Variants in SH3TC1 observed in about 807,000 individuals in gnomAD.
SH3TC1 encodes SH3 domain and tetratricopeptide repeats 1.
Under a neutral mutation model 117.3 loss-of-function variants are expected in SH3TC1, and 135 were observed. The observed-to-expected ratio is 1.15, with a 90% CI of 1.00 to 1.33. The LOEUF (loss-of-function observed/expected upper bound fraction) is 1.33, where lower values mean the gene tolerates loss of function less well. Among genes scored for constraint, SH3TC1 ranks in the 40% most tolerant of loss-of-function variants. The pLI, the probability that SH3TC1 is intolerant of heterozygous loss-of-function variation, is 0.00. For missense variants in SH3TC1, 2,092 were observed against 1,794.3 expected (o/e 1.17, Z -3.00); for synonymous variants, 898 against 816.9 (o/e 1.10, Z -1.69).
chr4:8,214,339 A>T, intron 4 of SH3TC1, 136 bp from the exon 5 acceptor site: 1 of 719,352 alleles, frequency 1.4e-6, no homozygotes, highest in Non-Finnish European at 2.3e-6. Flanking sequence ...TTGGGCTGTG[A>T]AGGAATCTGC....
chr4:8,196,410 G>A (rs1316313611), upstream of SH3TC1, among the ~76,000 whole-genome samples: 3 of 152,120 alleles, frequency 2.0e-5, no homozygotes, highest in Non-Finnish European at 4.4e-5. This position sits in a 1 kb window ranked among gnomAD's most constrained non-coding sequence, Gnocchi z 4.6. Context: ...GAGGGGTGGG[G>A]TGGGGTGATG....
intron 12 of SH3TC1, 143 bp downstream of exon 12, chr4:8,228,787 C>T (rs1720844493): frequency 1.4e-6 from 1 of 725,614 alleles, no homozygotes; most frequent in African/African-American, 1.8e-5. Flanking sequence ...TGGCAAGCGC[C>T]CTGGAGACAG....
In SH3TC1 at chr4:8,241,005, C is replaced by T; in HGVS notation, c.*50C>T. ...TTGTGCAAGGGCTGGGGGTCTCCTG[C>T]CTCTCCTGGTGTCGCCGGTGGCTCA... On this transcript the variant is annotated 3_prime_UTR_variant, in exon 18 of 18. Coordinates refer to ENST00000245105, the MANE Select transcript of SH3TC1 (RefSeq NM_018986.5). 6.3e-7 allele frequency: 1 copy of T among 1,586,556 alleles called. No individual in the cohort carries two copies. The highest frequency in any genetic ancestry group is 8.6e-7 in the Non-Finnish European group (1 of 1,167,836).
rs1443465524 is a variant in SH3TC1 at position 8,206,534 on chromosome 4, C to T, written c.172+1168C>T. On this transcript the variant is annotated intron_variant, in intron 2 of 17. Coordinates refer to ENST00000245105, the MANE Select transcript of SH3TC1 (RefSeq NM_018986.5). The surrounding 1 kb of genome is among the most constrained non-coding windows in gnomAD (Gnocchi z 5.5). ...GAGTGGTAGGAGTTGGAAGCCTTTG[C>T]CCTGAGTGGCTGGGTGTTTCCTCCT... is the stretch of plus-strand genomic sequence containing the variant. Among the ~76,000 whole-genome samples, 1 of 152,140 alleles carries T rather than the reference C, an allele frequency of 6.6e-6. No homozygotes were observed. Among genetic ancestry groups the T allele is most frequent in the Admixed American group, 6.5e-5 (1 of 15,288 alleles).
At position 8,240,834 on chromosome 4, in the gene SH3TC1, C is replaced by A. The variant is rs761485645; in HGVS notation, c.3890C>A (p.Ser1297Ter). The A allele has an allele frequency of 3.1e-6, 5 of 1,614,066 alleles. No individual in the cohort carries two copies. Among genetic ancestry groups the A allele is most frequent in the Non-Finnish European group, 4.2e-6 (5 of 1,180,046 alleles). The change falls in exon 18 of 18, where the codon TCG becomes TAG. Residue 1297 changes from serine to a stop codon, truncating the protein, a stop_gained. Coordinates refer to ENST00000245105, the MANE Select transcript of SH3TC1 (RefSeq NM_018986.5). LOFTEE classifies it low-confidence loss of function (END_TRUNC). ...YHNFLLDREK[S>*]LFFYQKARTF... The stretch of plus-strand genomic sequence containing the variant: ...AACTTCCTCCTGGACCGTGAGAAGT[C>A]GCTCTTCTTCTACCAGAAGGCCAGG...
chr4:8,220,468 A>T (rs1719815605), intron 9 of SH3TC1, among the ~76,000 whole-genome samples: 1 of 152,064 alleles, frequency 6.6e-6, no homozygotes, highest in Non-Finnish European at 1.5e-5. Flanking sequence ...CCAGCCAGGG[A>T]ACTCCAAGAG....
chr4:8,196,756 G>T (rs1311991236), upstream of SH3TC1, among the ~76,000 whole-genome samples: 2 of 152,078 alleles, frequency 1.3e-5, no homozygotes, highest in African/African-American at 4.8e-5. The surrounding 1 kb of genome is among the most constrained non-coding windows in gnomAD (Gnocchi z 4.6). Flanking sequence ...GCAGGTGTCT[G>T]CAAGGAAGGG....
intron 3 of SH3TC1, among the ~76,000 whole-genome samples, chr4:8,211,606 C>T (rs1718737036): frequency 6.6e-6 from 1 of 150,608 alleles, no homozygotes; most frequent in South Asian, 2.1e-4. Flanking sequence ...CCCTGGAATG[C>T]CACTGCCTAG....
At chr4:8,211,987 G>C (rs1228409964) in intron 3 of SH3TC1, among the ~76,000 whole-genome samples, 1 of 152,108 alleles carries the variant, frequency 6.6e-6, no homozygotes, top group Non-Finnish European at 1.5e-5. Context: ...GGTGTGGACA[G>C]CTGCCCAGGT....
intron 10 of SH3TC1, chr4:8,224,508 G>C (rs1284732099): frequency 6.6e-6 from 1 of 152,396 alleles, no homozygotes; most frequent in Admixed American, 6.5e-5. Flanking sequence ...TTGTGAGATG[G>C]AGGCATTGCA....
intron 1 of SH3TC1, among the ~76,000 whole-genome samples, chr4:8,184,563 GA>G (rs1254012152): frequency 6.6e-6 from 1 of 152,078 alleles, no homozygotes; most frequent in Non-Finnish European, 1.5e-5. Flanking sequence ...ATTTTTTCTA[GA>G]GACAGGGTCT....
In SH3TC1 at chr4:8,236,438, C is replaced by T. The variant is rs1173831897; in HGVS notation, c.3556+10C>T. On this transcript the variant is annotated intron_variant, in intron 16 of 17. Transcript: ENST00000245105. The stretch of plus-strand genomic sequence containing the variant: ...CTCAGCATCACCCTGGGTAAGCCCC[C>T]TGAGCCCCTGCCCTGCCAGGACCCA... The T allele has an allele frequency of 6.9e-7, 1 of 1,440,352 alleles. No individual in the cohort carries two copies. The highest frequency in any genetic ancestry group is 1.4e-5 in the South Asian group (1 of 70,248). 89.2% of individuals were successfully genotyped at this position (1,440,352 alleles called of 1,614,324 possible). A position where few individuals can be genotyped will look rare whatever the true frequency, so the allele number is the denominator to read the frequency against.
intron 1 of SH3TC1, among the ~76,000 whole-genome samples, chr4:8,187,072 C>T (rs1717242111): frequency 2.0e-5 from 3 of 152,212 alleles, no homozygotes; most frequent in Non-Finnish European, 2.9e-5. Flanking sequence ...GCTCAAATGT[C>T]ACTGCCTCCA....
chr4:8,216,854 TG>T, intron 6 of SH3TC1, 102 bp from the exon 7 acceptor site: 1 of 1,215,032 alleles, frequency 8.2e-7, no homozygotes, highest in Non-Finnish European at 1.2e-6. Flanking sequence ...GGGCCGCTCC[TG>T]TGGGTGTTGC....
rs4318631 is a variant in SH3TC1, at chr4:8,237,447, C to T, written c.3557-27C>T. 9.9e-4 allele frequency: 1,452 copies of T among 1,462,414 alleles called. 13 individuals carry two copies. In the African/African-American group the frequency reaches 0.02, roughly 20 times the overall value. The allele number at this position is 1,462,414 out of a possible 1,614,324, so 90.6% of individuals were successfully genotyped here. ...CCTGCCCCGGGGAGCCACGTCCTCA[C>T]ACCTGCCCCCTTGGCCTGCACCCCA... On this transcript the variant is annotated intron_variant, in intron 16 of 17. Coordinates refer to ENST00000245105, the MANE Select transcript of SH3TC1 (RefSeq NM_018986.5).
intron 17 of SH3TC1, 29 bp downstream of exon 17, chr4:8,237,699 G>A: frequency 6.4e-7 from 1 of 1,564,474 alleles, no homozygotes; most frequent in African/African-American, 1.4e-5. Flanking sequence ...GGCTCAGGGT[G>A]TTCCCGGCCC....
intron 14 of SH3TC1, 104 bp from the exon 15 acceptor site, chr4:8,235,329 C>T: frequency 1.5e-6 from 2 of 1,342,186 alleles, no homozygotes; most frequent in Non-Finnish European, 1.9e-6. Flanking sequence ...TCAGTTGCAC[C>T]TGCAGTGTGT....
chr4:8,224,288 G>C (rs1386504494), intron 10 of SH3TC1, among the ~76,000 whole-genome samples: 1 of 152,174 alleles, frequency 6.6e-6, no homozygotes, highest in African/African-American at 2.4e-5. Context: ...CAGTATTAGA[G>C]TTAACATTTG....
chr4:8,232,043 T>G lies in SH3TC1; in HGVS notation c.3018T>G (p.Cys1006Trp). ...CCGTCATGCCCAGCGAGGCCCAGTG[T>G]GTCATCTACCATGAGCTCCAGCTCT... is the stretch of plus-strand genomic sequence containing the variant. ...YSAVMPSEAQCVIYHELQLSL... is the reference protein window; with the variant it reads ...YSAVMPSEAQWVIYHELQLSL... Residue 1006 changes from cysteine to tryptophan, a missense_variant, in exon 13 of 18, where the codon TGT becomes TGG. Coordinates refer to ENST00000245105, the MANE Select transcript of SH3TC1 (RefSeq NM_018986.5). The G allele has an allele frequency of 1.9e-6, 3 of 1,613,378 alleles. No homozygotes were observed. Among genetic ancestry groups the G allele is most frequent in the South Asian group, 2.2e-5 (2 of 91,068 alleles).
Sources: gnomAD v4.1 joint callset for allele counts (sites outside exome capture counted in the v4.1 genomes callset) on GRCh38, gnomAD v4.1.1 for gene constraint, Gnocchi (gnomAD v3.1) non-coding constraint, MANE v1.5 for transcripts, NCBI Gene and HGNC (gene_info 2026-07-23, HGNC 2026-07-21) for gene names.